Variants in TRIM37 observed in about 807,000 individuals in gnomAD.
TRIM37 encodes the protein E3 ubiquitin-protein ligase TRIM37.
In TRIM37, 80 loss-of-function variants were observed where a neutral mutation model predicts 129.8. The observed-to-expected ratio is 0.62, with a 90% CI of 0.51 to 0.74. The LOEUF (loss-of-function observed/expected upper bound fraction) is 0.74. Ranked by LOEUF, TRIM37 falls within the 30% of genes least tolerant of loss-of-function variation. The probability of loss-of-function intolerance (pLI) is 0.00; values close to 1 mark genes in which losing one functional copy is unlikely to be tolerated. For synonymous variants in TRIM37, 389 were observed against 387.1 expected (o/e 1.00, Z -0.06); for missense variants, 1,054 against 1,176.5 (o/e 0.90, Z 1.52).
intron 11 of TRIM37, among the ~76,000 whole-genome samples, chr17:59,061,364 T>A (rs1294155737): frequency 6.6e-6 from 1 of 151,826 alleles, no homozygotes; most frequent in Non-Finnish European, 1.5e-5. Flanking sequence ...TTAACATATA[T>A]AGAACTCTTA....
intron 17 of TRIM37, among the ~76,000 whole-genome samples, chr17:59,034,720 G>A (rs781003339): frequency 6.6e-6 from 1 of 152,134 alleles, no homozygotes; most frequent in Non-Finnish European, 1.5e-5. Flanking sequence ...ACTTTGGGTT[G>A]GCACTGATTT....
chr17:58,994,398 A>G (rs1384978461), downstream of TRIM37, among the ~76,000 whole-genome samples: 1 of 152,222 alleles, frequency 6.6e-6, no homozygotes, highest in East Asian at 1.9e-4. Flanking sequence ...ACATTGTATT[A>G]GGTATTACAG....
At chr17:58,968,324 C>T in the TRIM37 span, among the ~76,000 whole-genome samples, 1 of 152,110 alleles carries the variant, frequency 6.6e-6, no homozygotes, top group Non-Finnish European at 1.5e-5. Context: ...ACTTGGGAGG[C>T]TGAGGCGGGA....
intron 10 of TRIM37, chr17:59,064,075 CAA>C: frequency 3.2e-6 from 1 of 315,562 alleles, no homozygotes; most frequent in Non-Finnish European, 5.9e-6. Flanking sequence ...CTGCAGTGAG[CAA>C]TGATCACGCC....
At chr17:59,106,418 C>T (rs959756586) in intron 1 of TRIM37, 23 bp downstream of exon 1, 1 of 1,613,910 alleles carries the variant, frequency 6.2e-7, no homozygotes, top group Admixed American at 1.7e-5. Context: ...GGGGACTAAC[C>T]ACCACCCTCA....
intron 24 of TRIM37, among the ~76,000 whole-genome samples, chr17:58,991,175 C>CAAAAAAAA (rs71145510): frequency 1.2e-5 from 1 of 83,666 alleles, no homozygotes; most frequent in Non-Finnish European, 2.4e-5. Flanking sequence ...AACTCTGTCT[C>CAAAAAAAA]AAAAAAAAAA....
chr17:58,977,559 C>A, the TRIM37 span, among the ~76,000 whole-genome samples: 1 of 152,106 alleles, frequency 6.6e-6, no homozygotes, highest in South Asian at 2.1e-4. Flanking sequence ...ATGTCGAAGA[C>A]TAATTTCTTA....
At chr17:59,100,107 T>C (rs1174533702) in intron 2 of TRIM37, among the ~76,000 whole-genome samples, 2 of 152,170 alleles carry the variant, frequency 1.3e-5, no homozygotes, top group Non-Finnish European at 2.9e-5. Flanking sequence ...CCTCTCCCTC[T>C]TTTGAAGTCC....
chr17:59,081,362 CA>C, intron 5 of TRIM37, 143 bp from the exon 6 acceptor site: 3 of 1,158,098 alleles, frequency 2.6e-6, no homozygotes, highest in Non-Finnish European at 3.7e-6. Flanking sequence ...TTTGTTGAAG[CA>C]GGCCAGTGCC....
At chr17:58,999,951 C>A (rs2033471639) in intron 23 of TRIM37, among the ~76,000 whole-genome samples, 3 of 152,164 alleles carry the variant, frequency 2.0e-5, no homozygotes, top group Admixed American at 6.5e-5. Context: ...ACTTACAAAT[C>A]ATCAAATGCT....
chr17:59,079,821 C>T lies in TRIM37; in HGVS notation c.549G>A (p.Arg183=), dbSNP rs1399824933. 4.3e-6 allele frequency: 7 copies of T among 1,613,940 alleles called. No homozygotes were observed. The highest frequency in any genetic ancestry group is 1.3e-5 in the African/African-American group (1 of 74,920). ...NAKDERVREI[R]NAVEMMIARL... is the part of the protein sequence containing the mutation. ...GTGCAATCATCATCTCCACTGCATT[C>T]CTAATTTCCCGAACACGCTCATCTT... The change falls in exon 7 of 24, where the codon AGG becomes AGA. Residue 183 remains arginine, a synonymous_variant. Coordinates refer to ENST00000262294, the MANE Select transcript of TRIM37 (RefSeq NM_015294.6).
chr17:59,046,696 C>G (rs971702459), intron 16 of TRIM37, among the ~76,000 whole-genome samples: 13 of 151,752 alleles, frequency 8.6e-5, no homozygotes, highest in African/African-American at 2.7e-4. Context: ...GCCACCACAC[C>G]TGGCTAATTT....
At position 59,056,872 on chromosome 17, in the gene TRIM37, T is replaced by G. The variant is rs771563167; in HGVS notation, c.1199+3A>C. ...AACCACAACATCAAATTTTTCCTGTTACCTTAAAATCACTGTATCATTTTG... is the reference window on the plus strand; with the variant it reads ...AACCACAACATCAAATTTTTCCTGTGACCTTAAAATCACTGTATCATTTTG... On this transcript the variant is annotated splice_donor_region_variant and intron_variant, in intron 13 of 23. Transcript: ENST00000262294. 1.2e-6 allele frequency: 2 copies of G among 1,613,676 alleles called. No individual in the cohort carries two copies. Among genetic ancestry groups the G allele is most frequent in the South Asian group, 2.2e-5 (2 of 91,058 alleles).
chr17:58,989,503 T>C (rs1287647470), intron 24 of TRIM37, among the ~76,000 whole-genome samples: 1 of 152,166 alleles, frequency 6.6e-6, no homozygotes, highest in East Asian at 1.9e-4. Flanking sequence ...CAAGATCATA[T>C]GGGTGATTAC....
intron 24 of TRIM37, chr17:58,983,576 T>C (rs973913309): frequency 4.6e-5 from 7 of 152,660 alleles, no homozygotes; most frequent in African/African-American, 1.7e-4. Flanking sequence ...CTGTAACTTG[T>C]ATTTAATGAT....
At chr17:59,011,385 C>T (rs1316207620) in intron 22 of TRIM37, among the ~76,000 whole-genome samples, 1 of 152,024 alleles carries the variant, frequency 6.6e-6, no homozygotes, top group Non-Finnish European at 1.5e-5. Context: ...ACTGAGAAAC[C>T]TGAAAATGCC....
rs543362695 is a variant in TRIM37, at chr17:59,076,778, T to TTTTA, written c.617-1068_617-1065dup. ...AGGAAAAACATTTAATAGGTAGAACTTTTATTTATTTTATTTATTTATTTT... is the reference window on the plus strand; with the variant it reads ...AGGAAAAACATTTAATAGGTAGAACTTTTATTTATTTATTTTATTTATTTATTTT... On this transcript the variant is annotated intron_variant, in intron 7 of 23. Transcript: ENST00000262294. Among the ~76,000 whole-genome samples the TTTTA allele has an allele frequency of 4.7e-3, 721 of 152,246 alleles. 14 individuals carry two copies. Among genetic ancestry groups the TTTTA allele is most frequent in the African/African-American group, 0.016 (681 of 41,556 alleles).
At chr17:59,090,623 C>T (rs2044209209) in intron 3 of TRIM37, among the ~76,000 whole-genome samples, 2 of 151,896 alleles carry the variant, frequency 1.3e-5, no homozygotes, top group South Asian at 4.2e-4. Flanking sequence ...TTTTTTGAGA[C>T]AGACTCTCGC....
Position 59,000,012 on chromosome 17 carries a change from T to C in TRIM37, c.2813-553A>G, listed in dbSNP as rs560181093. 2.0e-5 allele frequency among the ~76,000 whole-genome samples: 3 copies of C among 152,302 alleles called. No homozygotes were observed. The South Asian group carries it at 6.2e-4, about 32-fold the overall frequency. On this transcript the variant is annotated intron_variant, in intron 23 of 23. Transcript: ENST00000262294. Reference sequence around the variant, plus strand: ...GAGCACCAGGAAAATATGCAAAATATAAAGCAGAAAATGGCATAGGCTTAA... The same window carrying C: ...GAGCACCAGGAAAATATGCAAAATACAAAGCAGAAAATGGCATAGGCTTAA...
Sources: gnomAD v4.1 joint callset for allele counts (sites outside exome capture counted in the v4.1 genomes callset) on GRCh38, gnomAD v4.1.1 for gene constraint, MANE v1.5 for transcripts, NCBI Gene and HGNC (gene_info 2026-07-23, HGNC 2026-07-21) for gene names.